The following SLC2A13 variants were observed in gnomAD, a reference collection of about 807,000 sequenced individuals.
SLC2A13 encodes the protein proton myo-inositol cotransporter.
SLC2A13 carries 32 observed loss-of-function variants against 64.4 expected under a neutral mutation model. The ratio of observed to expected loss-of-function variants is 0.50; its 90% CI spans 0.37 to 0.67. The LOEUF (loss-of-function observed/expected upper bound fraction) is 0.67. Among genes scored for constraint, SLC2A13 ranks in the 30% least tolerant of loss-of-function variants. The probability of loss-of-function intolerance (pLI) is 0.00; values close to 1 mark genes in which losing one functional copy is unlikely to be tolerated. For missense variants in SLC2A13, 743 were observed against 829.2 expected (o/e 0.90, Z 1.28); for synonymous variants, 338 against 327.1 (o/e 1.03, Z -0.36).
rs1261333657 is a variant in SLC2A13, at chr12:39,812,373, TTTTCTTTTC to T, written c.1445+17721_1445+17729del. Among the ~76,000 whole-genome samples the T allele has an allele frequency of 7.1e-4, 88 of 123,534 alleles. No individual in the cohort carries two copies. In the South Asian group the frequency reaches 0.014, roughly 20 times the overall value. The allele number at this position is 123,534 out of a possible 152,430, so 81.0% of individuals were successfully genotyped here. On this transcript the variant is annotated intron_variant, in intron 7 of 9. Coordinates refer to ENST00000280871, the MANE Select transcript of SLC2A13 (RefSeq NM_052885.4). Reference sequence around the variant, plus strand: ...TTTTCTTTTCTTTTCTTTTCTTTTCTTTTCTTTTCTTTCTTTCTCTCTCTCTTTCTTCCT... The same window carrying T: ...TTTTCTTTTCTTTTCTTTTCTTTTCTTTTCTTTCTCTCTCTCTTTCTTCCT...
At chr12:39,911,749 G>A (rs187690882) in intron 4 of SLC2A13, among the ~76,000 whole-genome samples, 1 of 152,168 alleles carries the variant, frequency 6.6e-6, no homozygotes, top group African/African-American at 2.4e-5. Flanking sequence ...AAACTAATAG[G>A]AAATATAAAA....
chr12:39,847,051 T>C (rs1943337146), intron 6 of SLC2A13, among the ~76,000 whole-genome samples: 1 of 152,216 alleles, frequency 6.6e-6, no homozygotes, highest in South Asian at 2.1e-4. Flanking sequence ...TTCCTTTTAC[T>C]TTGCAAAGCT....
At chr12:39,948,056 A>T (rs1212057062) in intron 4 of SLC2A13, among the ~76,000 whole-genome samples, 1 of 152,108 alleles carries the variant, frequency 6.6e-6, no homozygotes, top group Non-Finnish European at 1.5e-5. Context: ...GGTCTATGAG[A>T]TACAGTGCAA....
chr12:39,820,714 AATTTATATATATATATATATATATATAT>A, intron 7 of SLC2A13, among the ~76,000 whole-genome samples: 1 of 45,384 alleles, frequency 2.2e-5, no homozygotes, highest in Non-Finnish European at 4.4e-5. Context: ...TAAATTTTTA[AATTTATATATATATATATATATATATAT>A]ATATATATAT....
At chr12:39,918,344 T>C (rs1260344434) in intron 4 of SLC2A13, among the ~76,000 whole-genome samples, 1 of 145,034 alleles carries the variant, frequency 6.9e-6, no homozygotes, top group East Asian at 2.1e-4. Flanking sequence ...CATGAATGTA[T>C]AACAGAACAG....
intron 6 of SLC2A13, among the ~76,000 whole-genome samples, chr12:39,853,438 GA>G (rs888743384): frequency 6.6e-6 from 1 of 151,654 alleles, no homozygotes; most frequent in Admixed American, 6.6e-5. Context: ...AAGCCTGGGA[GA>G]AAAAAAGGGA....
intron 4 of SLC2A13, among the ~76,000 whole-genome samples, chr12:39,929,376 C>A (rs1480612352): frequency 6.6e-6 from 1 of 151,908 alleles, no homozygotes; most frequent in Non-Finnish European, 1.5e-5. Flanking sequence ...GATGGTGAAA[C>A]CCTGTCTCTA....
At position 40,105,120 on chromosome 12, in the gene SLC2A13, G is replaced by A. The variant is rs976059133; in HGVS notation, c.556+133C>T. The A allele has an allele frequency of 7.2e-7, 1 of 1,396,826 alleles. No homozygotes were observed. Among genetic ancestry groups the A allele is most frequent in the Non-Finnish European group, 9.3e-7 (1 of 1,080,666 alleles). The allele number at this position is 1,396,826 out of a possible 1,614,324, so 86.5% of individuals were successfully genotyped here. ...GACCAACAAACAGATGGGCTCTGGA[G>A]GCCAGAGAAGTGGAGGATTCTCTGA... On this transcript the variant is annotated intron_variant, in intron 1 of 9. Transcript: ENST00000280871. This position sits in a 1 kb window ranked among gnomAD's most constrained non-coding sequence, Gnocchi z 4.2.
intron 3 of SLC2A13, among the ~76,000 whole-genome samples, chr12:39,971,997 A>AAAAATATATATATATATATATAT (rs1375405006): frequency 1.4e-4 from 11 of 77,344 alleles, no homozygotes; most frequent in Admixed American, 3.6e-4. Flanking sequence ...AAAAAAAAAA[A>AAAAATATATATATATATATATAT]ATATATATAT....
chr12:40,002,019 G>A (rs561057), intron 3 of SLC2A13, among the ~76,000 whole-genome samples: 97,333 of 152,104 alleles, frequency 0.64, 31,517 homozygotes, highest in African/African-American at 0.72. Context: ...CTGGTCTACC[G>A]CACACATTTT....
intron 1 of SLC2A13, among the ~76,000 whole-genome samples, chr12:40,062,553 C>G (rs1471238612): frequency 6.6e-6 from 1 of 152,050 alleles, no homozygotes; most frequent in Non-Finnish European, 1.5e-5. Context: ...AACATCAACT[C>G]TCTAAGATAT....
chr12:39,921,915 A>T (rs1945621004), intron 4 of SLC2A13, among the ~76,000 whole-genome samples: 1 of 152,148 alleles, frequency 6.6e-6, no homozygotes, highest in Non-Finnish European at 1.5e-5. Flanking sequence ...TAAATCCAAC[A>T]AAAGTGCTAA....
chr12:40,038,210 C>G (rs1390867950), intron 2 of SLC2A13, among the ~76,000 whole-genome samples: 1 of 152,156 alleles, frequency 6.6e-6, no homozygotes, highest in African/African-American at 2.4e-5. Flanking sequence ...CCATTCAAAG[C>G]TATTTTCCAA....
intron 1 of SLC2A13, among the ~76,000 whole-genome samples, chr12:40,102,825 T>C (rs1939192854): frequency 6.6e-6 from 1 of 152,242 alleles, no homozygotes; most frequent in Admixed American, 6.5e-5. Context: ...TGATTTTCTT[T>C]GTAAGTTTTA....
At chr12:39,943,720 C>A (rs542016572) in intron 4 of SLC2A13, among the ~76,000 whole-genome samples, 1 of 152,156 alleles carries the variant, frequency 6.6e-6, no homozygotes, top group Non-Finnish European at 1.5e-5. Flanking sequence ...TGAGCTAGAC[C>A]ACTTGGCTCC....
intron 3 of SLC2A13, among the ~76,000 whole-genome samples, chr12:39,978,043 T>C (rs1000802579): frequency 7.2e-5 from 11 of 152,212 alleles, no homozygotes; most frequent in South Asian, 2.1e-4. Context: ...TCAGTAACCA[T>C]GTAGCTTTCT....
At chr12:39,876,490 G>A (rs1944186940) in intron 4 of SLC2A13, among the ~76,000 whole-genome samples, 1 of 151,932 alleles carries the variant, frequency 6.6e-6, no homozygotes, top group Non-Finnish European at 1.5e-5. Flanking sequence ...CTGGTTTATT[G>A]AATTTATCTA....
intron 1 of SLC2A13, among the ~76,000 whole-genome samples, chr12:40,070,063 C>T (rs1339612725): frequency 1.3e-5 from 2 of 150,866 alleles, no homozygotes; most frequent in Non-Finnish European, 2.9e-5. Context: ...AAGGCATAAA[C>T]GGAATATGAT....
intron 7 of SLC2A13, among the ~76,000 whole-genome samples, chr12:39,797,647 GTCA>G (rs1301300190): frequency 6.6e-6 from 1 of 151,816 alleles, no homozygotes; most frequent in Non-Finnish European, 1.5e-5. Context: ...AGCAGATAAT[GTCA>G]TCATATTCCA....
Sources: gnomAD v4.1 joint callset for allele counts (sites outside exome capture counted in the v4.1 genomes callset) on GRCh38, gnomAD v4.1.1 for gene constraint, Gnocchi (gnomAD v3.1) non-coding constraint, MANE v1.5 for transcripts, NCBI Gene and HGNC (gene_info 2026-07-23, HGNC 2026-07-21) for gene names.